Variants in FLT3 observed in about 807,000 individuals in gnomAD.
The protein encoded by FLT3 is fms related receptor tyrosine kinase 3.
FLT3 carries 46 observed loss-of-function variants against 126.6 expected under a neutral mutation model. That is an observed-to-expected ratio of 0.36 (90% CI 0.29 to 0.46). The LOEUF is 0.46. Among genes scored for constraint, FLT3 ranks in the 20% least tolerant of loss-of-function variants. The pLI is 1.00. For synonymous variants in FLT3, 404 were observed against 434.4 expected (o/e 0.93, Z 0.87); for missense variants, 1,069 against 1,190.3 (o/e 0.90, Z 1.50).
At chr13:28,022,618 G>A (rs1170504361) in intron 19 of FLT3, among the ~76,000 whole-genome samples, 1 of 152,098 alleles carries the variant, frequency 6.6e-6, no homozygotes, top group African/African-American at 2.4e-5. Context: ...AGGAGAAGAG[G>A]AGGAGGAGAT....
chr13:28,100,446 G>A lies in FLT3; in HGVS notation c.43+22C>T, dbSNP rs1400435199. 1.7e-6 allele frequency: 2 copies of A among 1,208,214 alleles called. No homozygotes were observed. Among genetic ancestry groups the A allele is most frequent in the African/African-American group, 1.6e-5 (1 of 63,362 alleles). 74.8% of individuals were successfully genotyped at this position (1,208,214 alleles called of 1,614,324 possible). On this transcript the variant is annotated intron_variant, in intron 1 of 23. Coordinates refer to ENST00000241453, the MANE Select transcript of FLT3 (RefSeq NM_004119.3). This position sits in a 1 kb window ranked among gnomAD's most constrained non-coding sequence, Gnocchi z 4.8. ...GGGCTGAGGGACCGCGAGGGGCTGC[G>A]AGCGAGCGAGCGGGGCCTTACCGAG... is the stretch of plus-strand genomic sequence containing the variant.
At chr13:28,039,695 C>A (rs1874172969) in intron 9 of FLT3, among the ~76,000 whole-genome samples, 1 of 151,838 alleles carries the variant, frequency 6.6e-6, no homozygotes, top group Admixed American at 6.6e-5. Flanking sequence ...ATTACAGGCA[C>A]ACGCCACCAC....
intron 20 of FLT3, among the ~76,000 whole-genome samples, chr13:28,016,044 G>C (rs1871826583): frequency 6.6e-6 from 1 of 152,094 alleles, no homozygotes; most frequent in Non-Finnish European, 1.5e-5. Context: ...GAATTAGTGA[G>C]ATCTTCTGTT....
Position 28,070,570 on chromosome 13 carries a change from T to C in FLT3, c.86A>G (p.Asp29Gly). Residue 29 changes from aspartate (D) to glycine (G), a missense_variant, in exon 2 of 24, where the codon GAT becomes GGT. Physicochemically the swap from Asp to Gly is moderately conservative, Grantham distance 94. Coordinates refer to ENST00000241453, the MANE Select transcript of FLT3 (RefSeq NM_004119.3). The part of the protein sequence containing the change: ...AMIFGTITNQ[D>G]LPVIKCVLIN... Reference sequence around the variant, plus strand: ...TAAAACACACTTGATCACAGGCAGATCTTGATTTGTAATAGTCCCAAATAT... The same window carrying C: ...TAAAACACACTTGATCACAGGCAGACCTTGATTTGTAATAGTCCCAAATAT... 1 of 1,604,218 alleles carries C rather than the reference T, an allele frequency of 6.2e-7. No individual in the cohort carries two copies. Among genetic ancestry groups the C allele is most frequent in the Non-Finnish European group, 8.5e-7 (1 of 1,171,734 alleles).
At chr13:28,074,939 T>G (rs1236716723) in intron 1 of FLT3, among the ~76,000 whole-genome samples, 1 of 152,172 alleles carries the variant, frequency 6.6e-6, no homozygotes, top group Non-Finnish European at 1.5e-5. Flanking sequence ...CAGCCCTCAT[T>G]GTGGTTTTAA....
chr13:28,086,173 C>A (rs987815042), intron 1 of FLT3, among the ~76,000 whole-genome samples: 3 of 151,934 alleles, frequency 2.0e-5, no homozygotes, highest in Non-Finnish European at 4.4e-5. Flanking sequence ...TCTCTTTTTT[C>A]TGCCTCCTTT....
Position 28,085,299 on chromosome 13 carries a change from G to A in FLT3, c.44-14687C>T, listed in dbSNP as rs1234992657. On this transcript the variant is annotated intron_variant, in intron 1 of 23. Coordinates refer to ENST00000241453, the MANE Select transcript of FLT3 (RefSeq NM_004119.3). ...GCAGAGGTTGTAGTGAGCCAAGATT[G>A]TGCCACTGCACTCCAGCCTGGGCAA... Among the ~76,000 whole-genome samples the A allele has an allele frequency of 2.3e-5, 3 of 129,986 alleles. No individual in the cohort carries two copies. The East Asian group carries it at 6.7e-4, about 29-fold the overall frequency. The allele number at this position is 129,986 out of a possible 152,430, so 85.3% of individuals were successfully genotyped here.
chr13:28,052,407 A>AT, intron 5 of FLT3, 138 bp downstream of exon 5: 2 of 876,384 alleles, frequency 2.3e-6, no homozygotes, highest in Non-Finnish European at 1.7e-6. Context: ...TATACTGGCC[A>AT]TTTTTTAACT....
intron 16 of FLT3, among the ~76,000 whole-genome samples, chr13:28,027,765 G>C (rs923010423): frequency 3.3e-5 from 5 of 152,226 alleles, no homozygotes; most frequent in Non-Finnish European, 7.3e-5. Context: ...AGAATTCTGG[G>C]AAAGTAAAGT....
intron 12 of FLT3, 145 bp from the exon 13 acceptor site, chr13:28,034,552 C>A: frequency 1.6e-6 from 1 of 637,366 alleles, no homozygotes; most frequent in Non-Finnish European, 2.8e-6. Context: ...TACTCTACTC[C>A]CCACAGACAA....
At chr13:28,011,424 C>T (rs921380390) in intron 23 of FLT3, among the ~76,000 whole-genome samples, 2 of 151,896 alleles carry the variant, frequency 1.3e-5, no homozygotes, top group African/African-American at 4.8e-5. Flanking sequence ...GGGAAGGTGA[C>T]AAGGCCAGTT....
intron 20 of FLT3, among the ~76,000 whole-genome samples, chr13:28,016,000 C>A (rs1217813358): frequency 6.6e-6 from 1 of 152,092 alleles, no homozygotes; most frequent in Non-Finnish European, 1.5e-5. Flanking sequence ...TAAGGAATAG[C>A]CAGTCAGTTG....
chr13:28,008,999 T>C (rs546561920), intron 23 of FLT3, among the ~76,000 whole-genome samples: 83 of 152,278 alleles, frequency 5.5e-4, no homozygotes, highest in Admixed American at 8.5e-4. Flanking sequence ...TCTTTAGAGA[T>C]GGGATCTCTC....
At chr13:28,063,477 C>G (rs1876750482) in intron 2 of FLT3, among the ~76,000 whole-genome samples, 1 of 152,156 alleles carries the variant, frequency 6.6e-6, no homozygotes, top group Non-Finnish European at 1.5e-5. Context: ...CAGACTCTGT[C>G]TCAAAAAATT....
intron 1 of FLT3, among the ~76,000 whole-genome samples, chr13:28,083,592 A>G (rs913962747): frequency 2.6e-5 from 4 of 152,100 alleles, no homozygotes; most frequent in Admixed American, 2.6e-4. Flanking sequence ...TGTTTGGTGG[A>G]TTTCCCAGTG....
chr13:28,076,236 A>G (rs1187645257), intron 1 of FLT3, among the ~76,000 whole-genome samples: 1 of 152,224 alleles, frequency 6.6e-6, no homozygotes, highest in Non-Finnish European at 1.5e-5. Flanking sequence ...ACAAAACATA[A>G]TCAAATGCTG....
intron 2 of FLT3, among the ~76,000 whole-genome samples, chr13:28,069,509 T>C (rs1441424710): frequency 6.6e-6 from 1 of 152,106 alleles, no homozygotes; most frequent in Non-Finnish European, 1.5e-5. Context: ...AATCTACCTA[T>C]ATACTGGGGG....
chr13:28,054,225 C>G (rs1875804371), intron 4 of FLT3, among the ~76,000 whole-genome samples: 1 of 152,142 alleles, frequency 6.6e-6, no homozygotes, highest in South Asian at 2.1e-4. Flanking sequence ...GCACCTATTG[C>G]TTTATAGACT....
In FLT3 at chr13:28,033,920, C is replaced by A. The variant is rs746926889; in HGVS notation, c.1909G>T (p.Val637Phe). The A allele has an allele frequency of 7.4e-6, 12 of 1,614,160 alleles. No individual in the cohort carries two copies. Among genetic ancestry groups the A allele is most frequent in the Non-Finnish European group, 1.0e-5 (12 of 1,180,012 alleles). The change falls in exon 15 of 24, where the codon GTC (valine) becomes TTC (phenylalanine). Residue 637 changes from valine (V) to phenylalanine (F), a missense_variant. Physicochemically the swap from Val to Phe is conservative, Grantham distance 50. Transcript: ENST00000241453. ...ATTTTGACGGCAACCTGGATTGAGA[C>A]TCCTGTTTTGCTAATTCCATAAGCT... Reference protein sequence around the residue: ...ATAYGISKTGVSIQVAVKMLK... With the variant: ...ATAYGISKTGFSIQVAVKMLK...
Sources: gnomAD v4.1 joint callset for allele counts (sites outside exome capture counted in the v4.1 genomes callset) on GRCh38, gnomAD v4.1.1 for gene constraint, Gnocchi (gnomAD v3.1) non-coding constraint, MANE v1.5 for transcripts, NCBI Gene and HGNC (gene_info 2026-07-23, HGNC 2026-07-21) for gene names.